CCDC39: variants seen among roughly 807,000 people sequenced by gnomAD.
CCDC39 encodes the protein coiled-coil domain 39 molecular ruler complex subunit, also known as coiled-coil domain-containing protein 39.
CCDC39 carries 113 observed loss-of-function variants against 121.0 expected under a neutral mutation model. The ratio of observed to expected loss-of-function variants is 0.93; its 90% CI spans 0.80 to 1.09. The LOEUF is 1.09. Ranked by LOEUF, CCDC39 falls within the 50% of genes least tolerant of loss-of-function variation. The pLI, the probability that CCDC39 is intolerant of heterozygous loss-of-function variation, is 0.00. For synonymous variants in CCDC39, 349 were observed against 352.2 expected, an observed-to-expected ratio of 0.99 and a Z score of 0.10; for missense variants, 1,063 against 1,074.7, an observed-to-expected ratio of 0.99 and a Z score of 0.15.
chr3:180,646,715 G>T (rs1213371031), intron 11 of CCDC39, among the ~76,000 whole-genome samples: 2 of 152,064 alleles, frequency 1.3e-5, no homozygotes, highest in Admixed American at 1.3e-4. Context: ...GTGTACTCTT[G>T]AAGAGTATTT....
chr3:180,638,556 A>T (rs934869658), intron 13 of CCDC39, among the ~76,000 whole-genome samples: 1 of 152,094 alleles, frequency 6.6e-6, no homozygotes, highest in African/African-American at 2.4e-5. Context: ...CCACAGCTTA[A>T]TGCACATGAA....
chr3:180,638,195 G>A (rs144734114), intron 13 of CCDC39, among the ~76,000 whole-genome samples: 133 of 152,142 alleles, frequency 8.7e-4, no homozygotes, highest in African/African-American at 3.1e-3. Context: ...TAAAGAGAGT[G>A]TCCCAAAGCT....
chr3:180,616,511 A>G lies in CCDC39; in HGVS notation c.2586+5T>C. The G allele has an allele frequency of 6.5e-7, 1 of 1,539,610 alleles. No individual in the cohort carries two copies. Among genetic ancestry groups the G allele is most frequent in the Non-Finnish European group, 8.7e-7 (1 of 1,144,448 alleles). On this transcript the variant is annotated splice_donor_5th_base_variant and intron_variant, in intron 18 of 19. Transcript: ENST00000476379. Reference sequence around the variant, plus strand: ...AGAAATATTTAATAGAAGGTGCTGTATTACCTGTTGAAAGTATGTTTGAAG... The same window carrying G: ...AGAAATATTTAATAGAAGGTGCTGTGTTACCTGTTGAAAGTATGTTTGAAG...
rs1202389588 is a variant in CCDC39 at position 180,663,867 on chromosome 3, C to T, written c.210G>A (p.Gln70=). The T allele has an allele frequency of 6.2e-7, 1 of 1,611,740 alleles. No homozygotes were observed. The highest frequency in any genetic ancestry group is 1.1e-5 in the South Asian group (1 of 90,924). The part of the protein sequence containing the change: ...KNVKQELSIT[Q]SLCKARERET... ...TCAACATAAATTTCAGTTACTGTAC[C>T]TGTGTAATTGAGAGCTCTTGCTTAA... The change falls in exon 2 of 20, where the codon CAG becomes CAA. Residue 70 remains glutamine, a splice_region_variant and synonymous_variant. Coordinates refer to ENST00000476379, the MANE Select transcript of CCDC39 (RefSeq NM_181426.2).
chr3:180,670,446 C>T (rs1343781290), intron 1 of CCDC39, among the ~76,000 whole-genome samples: 1 of 151,982 alleles, frequency 6.6e-6, no homozygotes, highest in East Asian at 1.9e-4. Context: ...TCAAAGTATT[C>T]TCACCTACAA....
intron 1 of CCDC39, among the ~76,000 whole-genome samples, chr3:180,666,634 A>T (rs774335307): frequency 4.6e-5 from 7 of 152,254 alleles, no homozygotes; most frequent in South Asian, 4.1e-4. Context: ...CCCAGAGCAA[A>T]CTTCTGACTT....
intron 7 of CCDC39, among the ~76,000 whole-genome samples, chr3:180,653,449 T>C (rs1248813206): frequency 6.6e-6 from 1 of 152,224 alleles, no homozygotes; most frequent in Non-Finnish European, 1.5e-5. Context: ...TCATAGCCTG[T>C]ATATACTGGA....
rs930977227 is a variant in CCDC39, at chr3:180,620,056, GT to G, written c.1999-87del. On this transcript the variant is annotated intron_variant, in intron 14 of 19. Transcript: ENST00000476379. ...ATGGCTGTCTTTGGAGCAGAAAATA[GT>G]TGACTTGTGACAATAACAGTTTATC... 3.7e-5 allele frequency: 38 copies of G among 1,013,404 alleles called. No individual in the cohort carries two copies. In the African/African-American group the frequency reaches 6.1e-4, roughly 16 times the overall value. The allele number at this position is 1,013,404 out of a possible 1,614,324, so 62.8% of individuals were successfully genotyped here. A position where few individuals can be genotyped will look rare whatever the true frequency, so the allele number is the denominator to read the frequency against.
In CCDC39 at chr3:180,679,039, G is replaced by T. The variant is rs1712317177; in HGVS notation, c.90+252C>A. 6.6e-6 allele frequency among the ~76,000 whole-genome samples: 1 copy of T among 152,164 alleles called. No homozygotes were observed. The highest frequency in any genetic ancestry group is 1.9e-4 in the East Asian group (1 of 5,186). On this transcript the variant is annotated intron_variant, in intron 1 of 19. Transcript: ENST00000476379. The surrounding 1 kb of genome is among the most constrained non-coding windows in gnomAD (Gnocchi z 4.0). ...CGAAATAAGTAAGAGGAGTGGGCAT[G>T]AGGAAGGGAGTAATAATTCGAGCTT...
intron 16 of CCDC39, among the ~76,000 whole-genome samples, chr3:180,618,184 G>A (rs74536799): frequency 0.078 from 11,819 of 152,034 alleles, 708 homozygotes; most frequent in African/African-American, 0.17. Context: ...TGACAAAATC[G>A]CCCAAGGATG....
chr3:180,652,475 A>AT (rs1560090083), intron 7 of CCDC39, among the ~76,000 whole-genome samples: 1 of 152,164 alleles, frequency 6.6e-6, no homozygotes. Flanking sequence ...ATCCTAGCAA[A>AT]TTATAGAGAA....
rs1717370136 is a variant in CCDC39, at chr3:180,619,667, TG to T, written c.2158+143del. 11 of 578,562 alleles carry T rather than the reference TG, an allele frequency of 1.9e-5. No homozygotes were observed. The Admixed American group carries it at 3.2e-4, about 17-fold the overall frequency. The allele number at this position is 578,562 out of a possible 1,614,324, so 35.8% of individuals were successfully genotyped here. A position where few individuals can be genotyped will look rare whatever the true frequency, so the allele number is the denominator to read the frequency against. On this transcript the variant is annotated intron_variant, in intron 15 of 19. Transcript: ENST00000476379. ...AAACCACTTAGAAAAAAAAATGTCG[TG>T]GGGGGAGGAAAGAAAAGGGATTAGT... is the stretch of plus-strand genomic sequence containing the variant.
chr3:180,658,071 T>TA (rs112076929), intron 6 of CCDC39, among the ~76,000 whole-genome samples: 126 of 149,410 alleles, frequency 8.4e-4, no homozygotes, highest in African/African-American at 1.0e-3. Flanking sequence ...CTGTCTCTAC[T>TA]AAAAAAAAAC....
chr3:180,644,868 C>T (rs918968992), intron 11 of CCDC39, among the ~76,000 whole-genome samples: 4 of 152,052 alleles, frequency 2.6e-5, no homozygotes, highest in Admixed American at 1.3e-4. Flanking sequence ...ATACAGAGGG[C>T]GACTGTGCTA....
intron 11 of CCDC39, among the ~76,000 whole-genome samples, chr3:180,644,594 A>T (rs1718030303): frequency 6.6e-6 from 1 of 152,236 alleles, no homozygotes; most frequent in Non-Finnish European, 1.5e-5. Flanking sequence ...TACCACCACC[A>T]AAAGGTATGG....
intron 2 of CCDC39, 72 bp from the exon 3 acceptor site, chr3:180,662,079 T>A: frequency 7.2e-7 from 1 of 1,393,384 alleles, no homozygotes; most frequent in Admixed American, 2.7e-5. Context: ...TTTATAATAA[T>A]CCATTAGATT....
At chr3:180,638,346 G>C (rs1044578480) in intron 13 of CCDC39, among the ~76,000 whole-genome samples, 1 of 152,022 alleles carries the variant, frequency 6.6e-6, no homozygotes, top group Non-Finnish European at 1.5e-5. Flanking sequence ...AAGTTTAAGG[G>C]AGAATAAATA....
chr3:180,616,122 A>T (rs1034064762), intron 19 of CCDC39, among the ~76,000 whole-genome samples, 159 bp downstream of exon 19: 1 of 152,218 alleles, frequency 6.6e-6, no homozygotes, highest in Admixed American at 6.5e-5. Flanking sequence ...TCTGCATCTA[A>T]TCTATATGAT....
At chr3:180,650,370 C>T (rs894892065) in intron 9 of CCDC39, among the ~76,000 whole-genome samples, 3 of 152,048 alleles carry the variant, frequency 2.0e-5, no homozygotes, top group Non-Finnish European at 1.5e-5. Flanking sequence ...AAGTACAAAT[C>T]AGGAATGTAG....
Sources: gnomAD v4.1 joint callset for allele counts (sites outside exome capture counted in the v4.1 genomes callset) on GRCh38, gnomAD v4.1.1 for gene constraint, Gnocchi (gnomAD v3.1) non-coding constraint, MANE v1.5 for transcripts, NCBI Gene and HGNC (gene_info 2026-07-23, HGNC 2026-07-21) for gene names.